AKAP10: variants seen among roughly 807,000 people sequenced by gnomAD.
The protein encoded by AKAP10 is A-kinase anchor protein 10, mitochondrial.
AKAP10 carries 24 observed loss-of-function variants against 80.8 expected under a neutral mutation model. The observed-to-expected ratio is 0.30, with a 90% CI of 0.22 to 0.42. AKAP10 has a LOEUF of 0.42. Ranked by LOEUF, AKAP10 falls within the 10% of genes least tolerant of loss-of-function variation. The pLI is 1.00. For synonymous variants in AKAP10, 291 were observed against 277.7 expected (o/e 1.05, Z -0.48); for missense variants, 661 against 794.9 (o/e 0.83, Z 2.03).
At chr17:19,953,935 G>A (rs2043243347) in intron 4 of AKAP10, among the ~76,000 whole-genome samples, 1 of 152,054 alleles carries the variant, frequency 6.6e-6, no homozygotes, top group African/African-American at 2.4e-5. Context: ...GGGAGGCTGA[G>A]GCAGGAGGAT....
intron 12 of AKAP10, among the ~76,000 whole-genome samples, chr17:19,919,133 G>A (rs1304385473): frequency 6.8e-6 from 1 of 146,338 alleles, no homozygotes. Flanking sequence ...GTGTCCAAGT[G>A]TTCTCATTGT....
intron 1 of AKAP10, among the ~76,000 whole-genome samples, chr17:19,970,109 C>T (rs2043475701): frequency 6.6e-6 from 1 of 152,200 alleles, no homozygotes; most frequent in African/African-American, 2.4e-5. Context: ...AACCACCTAC[C>T]TGCCATCTTC....
Position 19,933,718 on chromosome 17 carries a change from A to G in AKAP10, c.1468-1740T>C, listed in dbSNP as rs943642205. On this transcript the variant is annotated intron_variant, in intron 9 of 14. Transcript: ENST00000225737. ...CTAGCTATTTAATGATTTGACTTCT[A>G]TATGTCATTCTTCAGTATTCCTAAA... Among the ~76,000 whole-genome samples the G allele has an allele frequency of 1.1e-4, 17 of 152,232 alleles. 1 individual carries two copies. The East Asian group carries it at 3.3e-3, about 29-fold the overall frequency.
At chr17:19,936,573 T>A (rs2042995000) in intron 8 of AKAP10, 143 bp from the exon 9 acceptor site, 1 of 788,572 alleles carries the variant, frequency 1.3e-6, no homozygotes, top group Non-Finnish European at 1.9e-6. Context: ...ATGACAGTGC[T>A]GATGTAACCT....
intron 5 of AKAP10, among the ~76,000 whole-genome samples, chr17:19,944,243 C>T (rs1183569306): frequency 6.6e-6 from 1 of 152,168 alleles, no homozygotes; most frequent in East Asian, 1.9e-4. Flanking sequence ...TCCCTTCTGC[C>T]TCCAGACTTC....
Position 19,909,216 on chromosome 17 carries a change from C to A in AKAP10, c.1948G>T (p.Ala650Ser). 1.2e-6 allele frequency: 2 copies of A among 1,613,690 alleles called. No homozygotes were observed. The highest frequency in any genetic ancestry group is 2.2e-5 in the South Asian group (2 of 91,038). ...KMIVSDIMQQ[A>S]QYDQPLEKST... Reference sequence around the variant, plus strand: ...TTCTCTAACGGTTGATCATACTGAGCCTGCTGCATAATGTCACTGACTATC... The same window carrying A: ...TTCTCTAACGGTTGATCATACTGAGACTGCTGCATAATGTCACTGACTATC... The change falls in exon 14 of 15, where the codon GCT (alanine) becomes TCT (serine). Residue 650 changes from alanine to serine, a missense_variant. Coordinates refer to ENST00000225737, the MANE Select transcript of AKAP10 (RefSeq NM_007202.4).
At chr17:19,917,093 T>C (rs1239980858) in intron 12 of AKAP10, among the ~76,000 whole-genome samples, 1 of 150,712 alleles carries the variant, frequency 6.6e-6, no homozygotes, top group East Asian at 1.9e-4. Flanking sequence ...TGAAACCCCA[T>C]CTCTACTAAA....
Position 19,941,019 on chromosome 17 carries a change from G to A in AKAP10, c.1062-9C>T. ...GAAACTCACTAAAGTGCCTGCACAT[G>A]GACAAAAGGGAAAATTTGAGGGAAC... is the stretch of plus-strand genomic sequence containing the variant. On this transcript the variant is annotated splice_polypyrimidine_tract_variant and intron_variant, in intron 6 of 14. Transcript: ENST00000225737. 1 of 1,586,444 alleles carries A rather than the reference G, an allele frequency of 6.3e-7. No individual in the cohort carries two copies. The highest frequency in any genetic ancestry group is 8.5e-7 in the Non-Finnish European group (1 of 1,172,672).
At chr17:19,955,704 G>A (rs113674424) in intron 4 of AKAP10, among the ~76,000 whole-genome samples, 2,893 of 152,126 alleles carry the variant, frequency 0.019, 76 homozygotes, top group African/African-American at 0.065. Flanking sequence ...GCATGGTGGT[G>A]GGCACCTGTA....
At chr17:19,919,283 C>T (rs2042784739) in intron 12 of AKAP10, among the ~76,000 whole-genome samples, 1 of 152,116 alleles carries the variant, frequency 6.6e-6, no homozygotes, top group Non-Finnish European at 1.5e-5. Context: ...TGCATAGTAT[C>T]CATGGTGTAT....
At chr17:19,912,140 C>T (rs2152409638) in intron 12 of AKAP10, among the ~76,000 whole-genome samples, 1 of 152,274 alleles carries the variant, frequency 6.6e-6, no homozygotes, top group East Asian at 1.9e-4. Flanking sequence ...CTTGGCTGGG[C>T]ACGGTGGCTC....
At chr17:19,967,506 G>A (rs1302623296) in intron 2 of AKAP10, among the ~76,000 whole-genome samples, 2 of 152,090 alleles carry the variant, frequency 1.3e-5, no homozygotes. Flanking sequence ...TCACTTTTAG[G>A]GAACAATTAA....
At chr17:19,960,064 T>G (rs746603411) in intron 3 of AKAP10, among the ~76,000 whole-genome samples, 3 of 152,072 alleles carry the variant, frequency 2.0e-5, no homozygotes, top group Admixed American at 1.3e-4. Context: ...CTGGGGAACA[T>G]AGTGAAACCC....
At chr17:19,973,052 T>C (rs1364067093) in intron 1 of AKAP10, among the ~76,000 whole-genome samples, 1 of 152,206 alleles carries the variant, frequency 6.6e-6, no homozygotes, top group East Asian at 1.9e-4. Context: ...CTATCTCAGC[T>C]CACTGCAACC....
At chr17:19,946,264 TATATA>T (rs2043124531) in intron 5 of AKAP10, among the ~76,000 whole-genome samples, 1 of 31,354 alleles carries the variant, frequency 3.2e-5, no homozygotes, top group Non-Finnish European at 5.7e-5. Context: ...TATATATATA[TATATA>T]TATATATTTT....
chr17:19,918,426 C>T (rs2042773777), intron 12 of AKAP10, among the ~76,000 whole-genome samples: 1 of 152,038 alleles, frequency 6.6e-6, no homozygotes, highest in African/African-American at 2.4e-5. Flanking sequence ...CCCAGCTACT[C>T]AGGAGCCTGA....
chr17:19,946,061 T>C (rs1405324840), intron 5 of AKAP10, among the ~76,000 whole-genome samples: 1 of 144,780 alleles, frequency 6.9e-6, no homozygotes, highest in Non-Finnish European at 1.5e-5. Context: ...TTTTCTGAAA[T>C]GTTTGTCCTT....
chr17:19,947,117 T>C, intron 5 of AKAP10: 1 of 369,312 alleles, frequency 2.7e-6, no homozygotes, highest in Non-Finnish European at 5.0e-6. Context: ...TCCGGTGGTC[T>C]GTGCCGGTTA....
chr17:19,955,264 T>C (rs1370534693), intron 4 of AKAP10, among the ~76,000 whole-genome samples: 1 of 152,084 alleles, frequency 6.6e-6, no homozygotes, highest in East Asian at 1.9e-4. Flanking sequence ...GCAAAGCTAT[T>C]GAGACGGAGA....
Sources: gnomAD v4.1 joint callset for allele counts (sites outside exome capture counted in the v4.1 genomes callset) on GRCh38, gnomAD v4.1.1 for gene constraint, MANE v1.5 for transcripts, NCBI Gene and HGNC (gene_info 2026-07-23, HGNC 2026-07-21) for gene names.